The following LARP4B variants were observed in gnomAD, a reference collection of about 807,000 sequenced individuals.
LARP4B encodes La ribonucleoprotein 4B, also known as la-related protein 4B.
Under a neutral mutation model 89.8 loss-of-function variants are expected in LARP4B, and 12 were observed. The ratio of observed to expected loss-of-function variants is 0.13; its 90% confidence interval spans 0.09 to 0.22. The LOEUF is 0.22. Among genes scored for constraint, LARP4B ranks in the 10% least tolerant of loss-of-function variants. LARP4B has a pLI of 1.00. For synonymous variants in LARP4B, 367 were observed against 363.3 expected, an observed-to-expected ratio of 1.01 and a Z score of -0.12; for missense variants, 757 against 947.7, an observed-to-expected ratio of 0.80 and a Z score of 2.64.
chr10:876,338 T>A (rs1453144934), intron 3 of LARP4B, among the ~76,000 whole-genome samples: 2 of 151,646 alleles, frequency 1.3e-5, no homozygotes, highest in Non-Finnish European at 2.9e-5. Context: ...TGAGCAGATA[T>A]CACACCATCG....
intron 1 of LARP4B, among the ~76,000 whole-genome samples, chr10:909,256 T>C (rs1014964619): frequency 2.2e-5 from 3 of 136,874 alleles, no homozygotes; most frequent in African/African-American, 8.4e-5. Flanking sequence ...ATCGCGCCAC[T>C]GCAATCCAGC....
chr10:843,754 G>C (rs922696951), intron 6 of LARP4B, among the ~76,000 whole-genome samples: 1 of 151,938 alleles, frequency 6.6e-6, no homozygotes, highest in African/African-American at 2.4e-5. Context: ...CAATGAACAA[G>C]AAAGGAAAAC....
intron 1 of LARP4B, among the ~76,000 whole-genome samples, chr10:899,685 A>G (rs1168022469): frequency 6.6e-6 from 1 of 152,244 alleles, no homozygotes; most frequent in African/African-American, 2.4e-5. Context: ...CAATGAGTTA[A>G]GGGATGACGC....
upstream of LARP4B, among the ~76,000 whole-genome samples, chr10:936,029 A>G (rs969536871): frequency 6.6e-6 from 1 of 152,028 alleles, no homozygotes; most frequent in African/African-American, 2.4e-5. Flanking sequence ...ACAGGTGAAC[A>G]TTCTTTTATT....
chr10:892,481 A>G (rs994536916), intron 1 of LARP4B, among the ~76,000 whole-genome samples: 1 of 152,160 alleles, frequency 6.6e-6, no homozygotes, highest in Non-Finnish European at 1.5e-5. Context: ...ATACAACACC[A>G]TCTCAAATAA....
At position 814,470 on chromosome 10, in the gene LARP4B, C is replaced by A; in HGVS notation, c.1929+272G>T. 1 of 529,680 alleles carries A rather than the reference C, an allele frequency of 1.9e-6. No homozygotes were observed. The highest frequency in any genetic ancestry group is 3.7e-4 in the Middle Eastern group (1 of 2,684). The allele number at this position is 529,680 out of a possible 1,614,324, so 32.8% of individuals were successfully genotyped here. On this transcript the variant is annotated intron_variant, in intron 17 of 17. Transcript: ENST00000316157. This position sits in a 1 kb window ranked among gnomAD's most constrained non-coding sequence, Gnocchi z 4.4. ...CCTAAAGTCTATGGAGAAACAGGAGCTGGGGTCTTGTTACTACTCAAGAAA... is the reference window on the plus strand; with the variant it reads ...CCTAAAGTCTATGGAGAAACAGGAGATGGGGTCTTGTTACTACTCAAGAAA...
In LARP4B at chr10:863,819, C is replaced by A. The variant is rs374953582; in HGVS notation, c.354G>T (p.Glu118Asp). 4 of 1,614,066 alleles carry A rather than the reference C, an allele frequency of 2.5e-6. No individual in the cohort carries two copies. In the African/African-American group the frequency reaches 5.3e-5, roughly 22 times the overall value. ...HENAALPDPQ[E>D]SDPADMNALA... ...GAGCGTTCATGTCTGCTGGGTCCGA[C>A]TCCTGCGGGTCTGGCAATGCGGCAT... is the stretch of plus-strand genomic sequence containing the variant. Residue 118 changes from glutamate (E) to aspartate (D), a missense_variant, in exon 5 of 18, where the codon GAG becomes GAT. Around this residue, in one of 5 missense-constraint regions of LARP4B, gnomAD observed 175 missense variants for 187.0 expected, o/e 0.94. Transcript: ENST00000316157.
the LARP4B span, chr10:987,714 A>AT: frequency 7.2e-5 from 11 of 152,294 alleles, no homozygotes; most frequent in African/African-American, 2.7e-4. Context: ...TAAAAGCAGT[A>AT]AAGGCTCCAT....
intron 1 of LARP4B, among the ~76,000 whole-genome samples, chr10:904,600 T>A (rs1223378101): frequency 1.3e-5 from 2 of 151,684 alleles, no homozygotes; most frequent in African/African-American, 4.8e-5. Context: ...AATAAATAAA[T>A]AAAATGAAAT....
chr10:927,004 C>T (rs1588996766), intron 1 of LARP4B, among the ~76,000 whole-genome samples: 1 of 150,620 alleles, frequency 6.6e-6, no homozygotes, highest in Admixed American at 6.6e-5. Flanking sequence ...CGTGCCAGTG[C>T]GCTCCAGCCT....
At chr10:925,107 A>G (rs1481470528) in intron 1 of LARP4B, among the ~76,000 whole-genome samples, 3 of 152,334 alleles carry the variant, frequency 2.0e-5, no homozygotes, top group South Asian at 4.1e-4. Flanking sequence ...AGGATACACC[A>G]TAATATATGT....
intron 2 of LARP4B, 148 bp downstream of exon 2, chr10:885,493 T>A (rs576118758): frequency 3.9e-6 from 2 of 506,392 alleles, no homozygotes; most frequent in South Asian, 7.0e-5. Context: ...GGGTAAGAAA[T>A]CTTTTCTCCC....
the LARP4B span, among the ~76,000 whole-genome samples, chr10:945,629 A>T: frequency 6.6e-6 from 1 of 151,534 alleles, no homozygotes; most frequent in Non-Finnish European, 1.5e-5. Context: ...CGGAGCTTGC[A>T]GTGAGCCAGG....
At chr10:987,735 C>CAGAA in the LARP4B span, 1 of 152,318 alleles carries the variant, frequency 6.6e-6, no homozygotes, top group African/African-American at 2.4e-5. Context: ...CCTCATCAAC[C>CAGAA]TTCTCCTCAG....
intron 1 of LARP4B, among the ~76,000 whole-genome samples, chr10:923,136 T>A (rs1837033052): frequency 6.6e-6 from 1 of 151,996 alleles, no homozygotes; most frequent in Non-Finnish European, 1.5e-5. Flanking sequence ...AGTAAGCTAC[T>A]GTATTTACAG....
At chr10:873,469 A>G (rs1281788639) in intron 3 of LARP4B, 1 of 962,906 alleles carries the variant, frequency 1.0e-6, no homozygotes, top group Non-Finnish European at 1.2e-6. Context: ...TCCCAGCCAG[A>G]AAGATTTCAG....
chr10:892,951 C>G (rs1293806362), intron 1 of LARP4B, among the ~76,000 whole-genome samples: 8 of 148,580 alleles, frequency 5.4e-5, no homozygotes, highest in Non-Finnish European at 1.2e-4. Context: ...TGCTCTGTCA[C>G]CCAGGCTGGA....
chr10:864,450 T>C lies in LARP4B; in HGVS notation c.142-180A>G, dbSNP rs1340837113. 2.2e-4 allele frequency among the ~76,000 whole-genome samples: 33 copies of C among 150,366 alleles called. 1 individual carries two copies. Among genetic ancestry groups the C allele is most frequent in the Admixed American group, 2.0e-3 (30 of 15,128 alleles). ...AAAAAAAAAAAAAAGCAGTCAGAAT[T>C]CCATTAAATTCCCCCCAAGTTTTAA... is the stretch of plus-strand genomic sequence containing the variant. On this transcript the variant is annotated intron_variant, in intron 3 of 17. Coordinates refer to ENST00000316157, the MANE Select transcript of LARP4B (RefSeq NM_015155.3).
chr10:935,918 G>GTTTTGTTTGTTTGT (rs1830744392), upstream of LARP4B, among the ~76,000 whole-genome samples: 1 of 146,968 alleles, frequency 6.8e-6, no homozygotes, highest in Non-Finnish European at 1.5e-5. Flanking sequence ...TTTGTTTTTT[G>GTTTTGTTTGTTTGT]TTTTTAGTAG....
Sources: gnomAD v4.1 joint callset for allele counts (sites outside exome capture counted in the v4.1 genomes callset) on GRCh38, gnomAD v4.1.1 for gene constraint, gnomAD v4.1.1 regional missense constraint, Gnocchi (gnomAD v3.1) non-coding constraint, MANE v1.5 for transcripts, NCBI Gene and HGNC (gene_info 2026-07-23, HGNC 2026-07-21) for gene names.